The following KAZN variants were observed in gnomAD, a reference collection of about 807,000 sequenced individuals.
KAZN encodes kazrin.
A neutral mutation model predicts 87.4 loss-of-function variants in KAZN; 40 were observed. That is an observed-to-expected ratio of 0.46 (90% CI 0.36 to 0.60). The LOEUF (loss-of-function observed/expected upper bound fraction) is 0.60. Among genes scored for constraint, KAZN ranks in the 20% least tolerant of loss-of-function variants. The pLI, the probability that KAZN is intolerant of heterozygous loss-of-function variation, is 0.00. For missense variants in KAZN, 898 were observed against 1,073.9 expected, an observed-to-expected ratio of 0.84 and a Z score of 2.29; for synonymous variants, 466 against 458.3, an observed-to-expected ratio of 1.02 and a Z score of -0.22.
intron 2 of KAZN, among the ~76,000 whole-genome samples, chr1:14,977,329 C>T (rs958759463): frequency 4.6e-5 from 7 of 152,180 alleles, no homozygotes; most frequent in Admixed American, 2.0e-4. Flanking sequence ...CAGGATGGCA[C>T]TGGGTAGGTG....
chr1:14,106,776 G>A (rs1255121166), intron 1 of KAZN, among the ~76,000 whole-genome samples: 3 of 152,152 alleles, frequency 2.0e-5, no homozygotes, highest in Non-Finnish European at 4.4e-5. Context: ...TATATTTTGA[G>A]ATAGTGAGTT....
In KAZN at chr1:14,434,644, CT is replaced by C. The variant is rs148141896; in HGVS notation, c.250-164337del. Among the ~76,000 whole-genome samples, 412 of 152,294 alleles carry C rather than the reference CT, an allele frequency of 2.7e-3. 1 individual carries two copies. The highest frequency in any genetic ancestry group is 9.6e-3 in the African/African-American group (400 of 41,556). The stretch of plus-strand genomic sequence containing the variant: ...AGGAAGCAGGACCATTTTGGGAAAC[CT>C]TAGAATGGAGAAGAGTTTTTAGGAT... On this transcript the variant is annotated intron_variant, in intron 2 of 16. Transcript: ENST00000636203.
At chr1:13,960,561 A>G (rs1173370683) in intron 1 of KAZN, among the ~76,000 whole-genome samples, 1 of 152,204 alleles carries the variant, frequency 6.6e-6, no homozygotes, top group African/African-American at 2.4e-5. Context: ...CGCTACGTGC[A>G]GCCACAGTGA....
chr1:14,183,688 C>T (rs1273392006), intron 2 of KAZN, among the ~76,000 whole-genome samples: 1 of 152,128 alleles, frequency 6.6e-6, no homozygotes, highest in Admixed American at 6.6e-5. Flanking sequence ...TAAATCTCTC[C>T]TTGGCAGTTC....
chr1:15,100,373 G>A (rs555146826), intron 10 of KAZN, among the ~76,000 whole-genome samples: 1 of 152,298 alleles, frequency 6.6e-6, no homozygotes, highest in East Asian at 1.9e-4. Flanking sequence ...GCTGCCCCAG[G>A]AGCAGGGTGG....
At chr1:14,332,518 G>A (rs1029446872) in intron 2 of KAZN, among the ~76,000 whole-genome samples, 2 of 152,104 alleles carry the variant, frequency 1.3e-5, no homozygotes, top group African/African-American at 4.8e-5. Flanking sequence ...TGGTTCTTTT[G>A]CTACTCACCA....
chr1:14,049,415 A>T (rs977040425), intron 1 of KAZN, among the ~76,000 whole-genome samples: 1 of 152,212 alleles, frequency 6.6e-6, no homozygotes, highest in African/African-American at 2.4e-5. Context: ...ATATATACAT[A>T]TGTAACTAAC....
chr1:15,006,145 A>G (rs1668977638), intron 2 of KAZN, among the ~76,000 whole-genome samples: 1 of 152,260 alleles, frequency 6.6e-6, no homozygotes, highest in African/African-American at 2.4e-5. Flanking sequence ...ACCAGCAAAC[A>G]TAAAAACCAA....
intron 2 of KAZN, among the ~76,000 whole-genome samples, chr1:14,541,942 C>T (rs879535043): frequency 2.0e-5 from 3 of 152,202 alleles, no homozygotes; most frequent in East Asian, 1.9e-4. Flanking sequence ...GCCCACAAAT[C>T]GGACTTCAGG....
chr1:14,992,078 G>A (rs1667414577), intron 2 of KAZN, among the ~76,000 whole-genome samples: 1 of 152,148 alleles, frequency 6.6e-6, no homozygotes, highest in Admixed American at 6.5e-5. Flanking sequence ...GCTCTGCCCA[G>A]CATGACAGTG....
At chr1:14,900,547 A>T (rs1052580800) in intron 1 of KAZN, among the ~76,000 whole-genome samples, 19 of 152,048 alleles carry the variant, frequency 1.2e-4, no homozygotes, top group African/African-American at 4.6e-4. Flanking sequence ...AGGTCAGGAG[A>T]TCGAGACCAT....
chr1:15,106,929 G>A (rs1641314269), intron 13 of KAZN, among the ~76,000 whole-genome samples: 1 of 152,152 alleles, frequency 6.6e-6, no homozygotes, highest in Non-Finnish European at 1.5e-5. Context: ...AAGGAGCAGA[G>A]GTACCCAAAG....
chr1:15,030,051 C>G (rs1671532373), intron 2 of KAZN, among the ~76,000 whole-genome samples: 1 of 152,182 alleles, frequency 6.6e-6, no homozygotes, highest in African/African-American at 2.4e-5. Flanking sequence ...TCCACCCCAG[C>G]TGTGCCATTA....
chr1:14,188,192 A>AGTGTGT (rs1553141838), intron 2 of KAZN, among the ~76,000 whole-genome samples: 2 of 82,052 alleles, frequency 2.4e-5, no homozygotes, highest in African/African-American at 9.9e-5. Context: ...GAGAGAGAGG[A>AGTGTGT]GCGTGTGTGT....
rs547173109 is a variant in KAZN, at chr1:14,318,517, C to T, written c.249+137925C>T. On this transcript the variant is annotated intron_variant, in intron 2 of 16. Transcript: ENST00000636203. ...TACTGGTTTTCCGTAATTTGATTAG[C>T]GTGCCTTGGTATGGTTTTCTTTGTG... is the stretch of plus-strand genomic sequence containing the variant. 8.6e-5 allele frequency among the ~76,000 whole-genome samples: 13 copies of T among 152,046 alleles called. No individual in the cohort carries two copies. The South Asian group carries it at 2.3e-3, about 27-fold the overall frequency.
chr1:13,995,660 A>C (rs534877844), intron 1 of KAZN, among the ~76,000 whole-genome samples: 1 of 152,162 alleles, frequency 6.6e-6, no homozygotes, highest in Non-Finnish European at 1.5e-5. Context: ...TAGGTGTAGA[A>C]ATTTCACAGT....
intron 2 of KAZN, among the ~76,000 whole-genome samples, chr1:14,409,817 T>C (rs980970800): frequency 3.3e-5 from 5 of 152,212 alleles, no homozygotes; most frequent in African/African-American, 1.2e-4. Flanking sequence ...ATCTGAAAGA[T>C]AGTATTTTCA....
At chr1:14,013,627 C>T (rs1640425876) in intron 1 of KAZN, among the ~76,000 whole-genome samples, 1 of 152,166 alleles carries the variant, frequency 6.6e-6, no homozygotes, top group Admixed American at 6.5e-5. Flanking sequence ...TGGAAAATAA[C>T]CTAGGAATAT....
At chr1:14,767,254 G>T (rs1400429629) in intron 1 of KAZN, among the ~76,000 whole-genome samples, 6 of 152,156 alleles carry the variant, frequency 3.9e-5, no homozygotes, top group African/African-American at 1.4e-4. Context: ...CTTCTTATCT[G>T]CCCACAGTTG....
Sources: gnomAD v4.1 joint callset for allele counts (sites outside exome capture counted in the v4.1 genomes callset) on GRCh38, gnomAD v4.1.1 for gene constraint, MANE v1.5 for transcripts, NCBI Gene and HGNC (gene_info 2026-07-23, HGNC 2026-07-21) for gene names.